Variants in CRTAM observed in about 807,000 individuals in gnomAD.
The protein encoded by CRTAM is cytotoxic and regulatory T cell molecule.
In CRTAM, 44 loss-of-function variants were observed where a neutral mutation model predicts 50.0. The ratio of observed to expected loss-of-function variants is 0.88; its 90% CI spans 0.69 to 1.13. CRTAM has a LOEUF of 1.13. Ranked by LOEUF, CRTAM falls within the 50% of genes most tolerant of loss-of-function variation. The pLI is 0.00. For missense variants in CRTAM, 448 were observed against 457.5 expected (o/e 0.98, Z 0.19); for synonymous variants, 159 against 169.3 (o/e 0.94, Z 0.47).
intron 1 of CRTAM, among the ~76,000 whole-genome samples, chr11:122,845,810 TG>T (rs530856677): frequency 6.6e-6 from 1 of 152,134 alleles, no homozygotes; most frequent in Non-Finnish European, 1.5e-5. Flanking sequence ...CATTTTAATA[TG>T]GGATGAATAG....
chr11:122,850,258 T>G (rs1861914751), intron 2 of CRTAM, 44 bp downstream of exon 2: 1 of 1,534,862 alleles, frequency 6.5e-7, no homozygotes, highest in African/African-American at 1.4e-5. Context: ...GACCTTAACC[T>G]GAGGGTTTTT....
intron 5 of CRTAM, among the ~76,000 whole-genome samples, chr11:122,858,167 C>G (rs575835306): frequency 1.8e-4 from 28 of 152,304 alleles, no homozygotes; most frequent in African/African-American, 3.6e-4. Context: ...CCCTCTTTGG[C>G]CTCCCAAAGT....
At chr11:122,859,285 A>T (rs1412747358) in intron 5 of CRTAM, among the ~76,000 whole-genome samples, 1 of 151,778 alleles carries the variant, frequency 6.6e-6, no homozygotes, top group East Asian at 1.9e-4. Context: ...ATTTTTTTGT[A>T]TTTTTAGTGG....
chr11:122,867,388 C>A, intron 7 of CRTAM, 21 bp from the exon 8 acceptor site: 2 of 1,590,794 alleles, frequency 1.3e-6, no homozygotes, highest in Non-Finnish European at 1.7e-6. Context: ...TATCTAAACT[C>A]CTTTTTCATT....
chr11:122,839,382 A>T (rs1347376543), intron 1 of CRTAM, among the ~76,000 whole-genome samples: 1 of 152,236 alleles, frequency 6.6e-6, no homozygotes, highest in Non-Finnish European at 1.5e-5. Context: ...CAAATTTCAA[A>T]TGTGAAAGCA....
chr11:122,839,689 G>A (rs2135225319), intron 1 of CRTAM, among the ~76,000 whole-genome samples: 1 of 152,242 alleles, frequency 6.6e-6, no homozygotes, highest in South Asian at 2.1e-4. Context: ...TTCATGCAAA[G>A]GACATCCCTC....
At chr11:122,845,495 G>A (rs1861852360) in intron 1 of CRTAM, among the ~76,000 whole-genome samples, 1 of 152,084 alleles carries the variant, frequency 6.6e-6, no homozygotes, top group Non-Finnish European at 1.5e-5. Flanking sequence ...GATCACTTTA[G>A]GTCAGGAGTT....
chr11:122,839,184 A>G (rs1591345911), intron 1 of CRTAM, among the ~76,000 whole-genome samples: 1 of 152,112 alleles, frequency 6.6e-6, no homozygotes, highest in Admixed American at 6.6e-5. Flanking sequence ...TGCCCACCTC[A>G]GCCTCCCAAA....
intron 9 of CRTAM, among the ~76,000 whole-genome samples, 172 bp from the exon 10 acceptor site, chr11:122,871,097 A>G (rs1315050225): frequency 6.6e-6 from 1 of 152,144 alleles, no homozygotes; most frequent in Admixed American, 6.6e-5. Context: ...ACCACGAAAA[A>G]CAAAAAAGAA....
At chr11:122,841,090 G>A (rs1356565297) in intron 1 of CRTAM, among the ~76,000 whole-genome samples, 1 of 152,168 alleles carries the variant, frequency 6.6e-6, no homozygotes, top group Non-Finnish European at 1.5e-5. Context: ...TAGATGACAT[G>A]TTGAGACAGC....
intron 4 of CRTAM, 103 bp from the exon 5 acceptor site, chr11:122,855,592 A>C: frequency 1.0e-6 from 1 of 954,710 alleles, no homozygotes; most frequent in Non-Finnish European, 1.6e-6. Flanking sequence ...GAATGAGGTT[A>C]GAAATCTAAT....
rs1214209894 is a variant in CRTAM at position 122,867,471 on chromosome 11, G to T, written c.880G>T (p.Val294Leu). ...AAGTGGCATCCTGCTGCTCACGCTG[G>T]TGTCCTTCCTCATTTTCATACTCTT... The part of the protein sequence containing the change: ...KKSGILLLTL[V>L]SFLIFILFII... Residue 294 changes from valine (V) to leucine (L), a missense_variant, in exon 8 of 10, where the codon GTG becomes TTG. Val to Leu is a conservative substitution (Grantham distance 32). Transcript: ENST00000227348. 6.2e-7 allele frequency: 1 copy of T among 1,613,884 alleles called. No homozygotes were observed. The highest frequency in any genetic ancestry group is 1.3e-5 in the African/African-American group (1 of 74,890).
At chr11:122,849,328 C>T (rs1047985505) in intron 1 of CRTAM, among the ~76,000 whole-genome samples, 1 of 152,212 alleles carries the variant, frequency 6.6e-6, no homozygotes. Context: ...CCATCCACAG[C>T]CCTGGGTACA....
At chr11:122,861,804 C>G (rs1320348524) in intron 5 of CRTAM, among the ~76,000 whole-genome samples, 3 of 152,024 alleles carry the variant, frequency 2.0e-5, no homozygotes, top group Non-Finnish European at 4.4e-5. Context: ...CTGGATGTGG[C>G]TGGTAAAACC....
At position 122,867,521 on chromosome 11, in the gene CRTAM, G is replaced by A; in HGVS notation, c.930G>A (p.Met310Ile). 2 of 1,614,072 alleles carry A rather than the reference G, an allele frequency of 1.2e-6. No homozygotes were observed. Among genetic ancestry groups the A allele is most frequent in the Non-Finnish European group, 1.7e-6 (2 of 1,179,978 alleles). Residue 310 changes from methionine to isoleucine, a missense_variant, in exon 8 of 10, where the codon ATG (methionine) becomes ATA (isoleucine). Physicochemically the swap from Met to Ile is conservative, Grantham distance 10 (BLOSUM62 1). Coordinates refer to ENST00000227348, the MANE Select transcript of CRTAM (RefSeq NM_019604.4). ...TCATCATAGTCCAGCTCTTCATCAT[G>A]AAGCTGAGGAAAGCACATGTGATAT... ...ILFIIVQLFI[M>I]KLRKAHVIWK...
At chr11:122,863,705 C>T (rs559667723) in intron 6 of CRTAM, among the ~76,000 whole-genome samples, 6 of 152,048 alleles carry the variant, frequency 3.9e-5, no homozygotes, top group Non-Finnish European at 8.8e-5. Flanking sequence ...CTTTAATAAT[C>T]CAATATTTGT....
chr11:122,842,008 G>A (rs1040328863), intron 1 of CRTAM, among the ~76,000 whole-genome samples: 1 of 152,174 alleles, frequency 6.6e-6, no homozygotes, highest in East Asian at 1.9e-4. Context: ...TTAATGTTGA[G>A]TCTTGAAGGA....
chr11:122,872,640 C>T lies in CRTAM; in HGVS notation c.*1241C>T, dbSNP rs374132160. 3 of 152,626 alleles carry T rather than the reference C, an allele frequency of 2.0e-5. No individual in the cohort carries two copies. The highest frequency in any genetic ancestry group is 7.2e-5 in the African/African-American group (3 of 41,442). The allele number at this position is 152,626 out of a possible 1,614,324, so 9.5% of individuals were successfully genotyped here. A position where few individuals can be genotyped will look rare whatever the true frequency, so the allele number is the denominator to read the frequency against. On this transcript the variant is annotated 3_prime_UTR_variant, in exon 10 of 10. Transcript: ENST00000227348. ...TCTGAATAAACCAATTACAAAATAA[C>T]ATATGTGCACATTGTAAGTCTGTAA...
chr11:122,869,451 G>T (rs1862224888), intron 9 of CRTAM, among the ~76,000 whole-genome samples: 1 of 152,166 alleles, frequency 6.6e-6, no homozygotes, highest in Non-Finnish European at 1.5e-5. Context: ...TGACTTCATT[G>T]CAATTCCTGA....
Sources: gnomAD v4.1 joint callset for allele counts (sites outside exome capture counted in the v4.1 genomes callset) on GRCh38, gnomAD v4.1.1 for gene constraint, MANE v1.5 for transcripts, NCBI Gene and HGNC (gene_info 2026-07-23, HGNC 2026-07-21) for gene names.